IL2RB: variants seen among roughly 807,000 people sequenced by gnomAD.
The protein encoded by IL2RB is interleukin-2 receptor subunit beta.
A neutral mutation model predicts 44.2 loss-of-function variants in IL2RB; 17 were observed. The observed-to-expected ratio is 0.38, with a 90% CI of 0.26 to 0.58. The LOEUF is 0.58. IL2RB is among the 20% of genes least tolerant of loss of function. IL2RB has a pLI of 0.63. For missense variants in IL2RB, 624 were observed against 685.5 expected, an observed-to-expected ratio of 0.91 and a Z score of 1.00; for synonymous variants, 286 against 297.9, an observed-to-expected ratio of 0.96 and a Z score of 0.41.
chr22:37,146,226 C>T (rs1025704581), intron 1 of IL2RB, among the ~76,000 whole-genome samples: 4 of 152,326 alleles, frequency 2.6e-5, no homozygotes, highest in East Asian at 1.9e-4. Context: ...GCCCAGACAA[C>T]GGCACCACCC....
intron 1 of IL2RB, among the ~76,000 whole-genome samples, chr22:37,173,845 A>G (rs963273261): frequency 6.6e-6 from 1 of 152,194 alleles, no homozygotes; most frequent in South Asian, 2.1e-4. Flanking sequence ...AGAGCCAACT[A>G]TTGCTAAACA....
intron 6 of IL2RB, 97 bp from the exon 7 acceptor site, chr22:37,136,490 G>T (rs887765364): frequency 2.3e-6 from 3 of 1,288,530 alleles, no homozygotes; most frequent in African/African-American, 1.7e-5. Context: ...CCTGCCAGCT[G>T]CACCCCCACT....
At chr22:37,164,803 A>G (rs1923013258) in intron 1 of IL2RB, among the ~76,000 whole-genome samples, 1 of 152,168 alleles carries the variant, frequency 6.6e-6, no homozygotes, top group Non-Finnish European at 1.5e-5. Flanking sequence ...TTCTAGAAGC[A>G]TAGCCTTCCC....
intron 8 of IL2RB, among the ~76,000 whole-genome samples, chr22:37,134,618 TAAATA>T (rs1049820071): frequency 6.6e-6 from 1 of 151,934 alleles, no homozygotes; most frequent in African/African-American, 2.4e-5. Context: ...AAAAAATAAA[TAAATA>T]AAATAAAACA....
At chr22:37,149,204 CCGGAG>C (rs2146252653) in intron 1 of IL2RB, among the ~76,000 whole-genome samples, 1 of 152,298 alleles carries the variant, frequency 6.6e-6, no homozygotes, top group African/African-American at 2.4e-5. Flanking sequence ...TCCCCAATGT[CCGGAG>C]ATGCTTCTGA....
chr22:37,137,429 G>A (rs774281347), intron 6 of IL2RB, among the ~76,000 whole-genome samples, 158 bp downstream of exon 6: 1 of 152,192 alleles, frequency 6.6e-6, no homozygotes, highest in Admixed American at 6.5e-5. Flanking sequence ...CGTGGAAGTC[G>A]GGGAGGCAGC....
rs1489428622 is a variant in IL2RB at position 37,136,267 on chromosome 22, G to A, written c.664C>T (p.Pro222Ser). 6.2e-7 allele frequency: 1 copy of A among 1,612,458 alleles called. No homozygotes were observed. The highest frequency in any genetic ancestry group is 2.2e-5 in the East Asian group (1 of 44,842). The change falls in exon 7 of 10, where the codon CCC becomes TCC. Residue 222 changes from proline to serine, a missense_variant. Transcript: ENST00000216223. Reference protein sequence around the residue: ...PLQGEFTTWSPWSQPLAFRTK... With the variant: ...PLQGEFTTWSSWSQPLAFRTK... ...CTGAAGGCCAGGGGCTGGCTCCAGG[G>A]GCTCCAGGTCGTGAACTCGCCTTGC...
intron 1 of IL2RB, chr22:37,166,793 G>C (rs940012686): frequency 6.6e-6 from 1 of 152,174 alleles, no homozygotes; most frequent in Non-Finnish European, 1.5e-5. Flanking sequence ...ACGCTGGACC[G>C]TGTCTGCTGC....
chr22:37,159,176 T>C (rs533468968), intron 1 of IL2RB, among the ~76,000 whole-genome samples: 1 of 152,262 alleles, frequency 6.6e-6, no homozygotes, highest in Non-Finnish European at 1.5e-5. Flanking sequence ...AAAGGACGTG[T>C]GATGTTTGAA....
intron 9 of IL2RB, among the ~76,000 whole-genome samples, chr22:37,130,054 C>T (rs1921346430): frequency 6.6e-6 from 1 of 152,278 alleles, no homozygotes; most frequent in East Asian, 1.9e-4. Flanking sequence ...TACATGCATG[C>T]ACACATGCAC....
At chr22:37,135,627 C>T (rs1224595537) in intron 7 of IL2RB, among the ~76,000 whole-genome samples, 185 bp from the exon 8 acceptor site, 2 of 152,178 alleles carry the variant, frequency 1.3e-5, no homozygotes, top group East Asian at 3.9e-4. Flanking sequence ...AAAGAAATGA[C>T]ACGGTGGCAT....
chr22:37,143,664 G>C (rs1217755125), intron 2 of IL2RB, 29 bp from the exon 3 acceptor site: 1 of 1,504,038 alleles, frequency 6.6e-7, no homozygotes. Flanking sequence ...TGTGAGTGCT[G>C]ACTGTAGGTG....
At chr22:37,139,290 G>C in intron 4 of IL2RB, 68 bp from the exon 5 acceptor site, 1 of 1,010,734 alleles carries the variant, frequency 9.9e-7, no homozygotes, top group Non-Finnish European at 1.5e-6. Context: ...GAGGCCACCG[G>C]GATGACCTGG....
chr22:37,128,374 G>T lies in IL2RB; in HGVS notation c.1378C>A (p.Gln460Lys), dbSNP rs754621422. 2.0e-6 allele frequency: 3 copies of T among 1,508,118 alleles called. No homozygotes were observed. The highest frequency in any genetic ancestry group is 2.7e-6 in the Non-Finnish European group (3 of 1,129,440). The allele number at this position is 1,508,118 out of a possible 1,614,324, so 93.4% of individuals were successfully genotyped here. ...AGEERMPPSL[Q>K]ERVPRDWDPQ... Reference sequence around the variant, plus strand: ...TCCCAGTCTCTGGGGACTCTTTCTTGCAAAGAAGGGGGCATCCTCTCTTCA... The same window carrying T: ...TCCCAGTCTCTGGGGACTCTTTCTTTCAAAGAAGGGGGCATCCTCTCTTCA... The change falls in exon 10 of 10, where the codon CAA becomes AAA. Residue 460 changes from glutamine (Q) to lysine (K), a missense_variant. By Grantham distance (53) the Gln-to-Lys change is moderately conservative (BLOSUM62 1). This residue lies in a region of IL2RB where 291 missense variants were observed against 275.5 expected (regional missense o/e 1.06). Transcript: ENST00000216223. This position sits in a 1 kb window ranked among gnomAD's most constrained non-coding sequence, Gnocchi z 4.5.
intron 1 of IL2RB, among the ~76,000 whole-genome samples, chr22:37,158,285 T>C (rs1285363677): frequency 2.0e-5 from 3 of 151,746 alleles, no homozygotes; most frequent in Non-Finnish European, 4.4e-5. Flanking sequence ...CGCGGTGGCT[T>C]ATGTCTGTAA....
In IL2RB at chr22:37,148,445, C is replaced by T. The variant is rs150814747; in HGVS notation, c.-34+1380G>A. Among the ~76,000 whole-genome samples, 115 of 152,268 alleles carry T rather than the reference C, an allele frequency of 7.6e-4. 1 individual carries two copies. Among genetic ancestry groups the T allele is most frequent in the African/African-American group, 2.6e-3 (109 of 41,548 alleles). The stretch of plus-strand genomic sequence containing the variant: ...TCCTGGGTCCTCAGGCACACCCACA[C>T]GTGCCCTGTCGTTCATGACTCTGAA... On this transcript the variant is annotated intron_variant, in intron 1 of 9. Transcript: ENST00000216223.
At position 37,132,418 on chromosome 22, in the gene IL2RB, G is replaced by A. The variant is rs764062848; in HGVS notation, c.869C>T (p.Ser290Phe). 9.3e-6 allele frequency: 15 copies of A among 1,614,132 alleles called. No individual in the cohort carries two copies. The highest frequency in any genetic ancestry group is 1.3e-5 in the Non-Finnish European group (15 of 1,180,002). Reference protein sequence around the residue: ...CNTPDPSKFFSQLSSEHGGDV... With the variant: ...CNTPDPSKFFFQLSSEHGGDV... Reference sequence around the variant, plus strand: ...TCCTCCATGCTCTGAGCTCAGCTGGGAAAAGAACTTCGAGGGGTCTGGGGT... The same window carrying A: ...TCCTCCATGCTCTGAGCTCAGCTGGAAAAAGAACTTCGAGGGGTCTGGGGT... The change falls in exon 9 of 10, where the codon TCC becomes TTC. Residue 290 changes from serine to phenylalanine, a missense_variant. Physicochemically the swap from Ser to Phe is radical, Grantham distance 155. Coordinates refer to ENST00000216223, the MANE Select transcript of IL2RB (RefSeq NM_000878.5).
At chr22:37,135,619 A>T (rs182187261) in intron 7 of IL2RB, among the ~76,000 whole-genome samples, 177 bp from the exon 8 acceptor site, 1 of 152,304 alleles carries the variant, frequency 6.6e-6, no homozygotes, top group Non-Finnish European at 1.5e-5. Flanking sequence ...CATGCTAAAA[A>T]GAAATGACAC....
intron 1 of IL2RB, among the ~76,000 whole-genome samples, chr22:37,149,072 G>C (rs927048739): frequency 6.6e-6 from 1 of 152,112 alleles, no homozygotes; most frequent in Non-Finnish European, 1.5e-5. Context: ...CTTGGGGATA[G>C]CTCAGCTCCT....
Sources: gnomAD v4.1 joint callset for allele counts (sites outside exome capture counted in the v4.1 genomes callset) on GRCh38, gnomAD v4.1.1 for gene constraint, gnomAD v4.1.1 regional missense constraint, Gnocchi (gnomAD v3.1) non-coding constraint, MANE v1.5 for transcripts, NCBI Gene and HGNC (gene_info 2026-07-23, HGNC 2026-07-21) for gene names.